CHRNA7: variants seen among roughly 807,000 people sequenced by gnomAD.
CHRNA7 encodes neuronal acetylcholine receptor subunit alpha-7.
CHRNA7 carries 17 observed loss-of-function variants against 48.0 expected under a neutral mutation model. The ratio of observed to expected loss-of-function variants is 0.35; its 90% CI spans 0.24 to 0.53. The LOEUF is 0.53. Ranked by LOEUF, CHRNA7 falls within the 20% of genes least tolerant of loss-of-function variation. The pLI is 0.92. For missense variants in CHRNA7, 155 were observed against 577.7 expected (o/e 0.27, Z 7.50); for synonymous variants, 75 against 242.3 (o/e 0.31, Z 6.41).
intron 2 of CHRNA7, among the ~76,000 whole-genome samples, chr15:32,080,281 A>G (rs1197974180): frequency 1.3e-5 from 2 of 152,218 alleles, no homozygotes; most frequent in East Asian, 3.8e-4. Flanking sequence ...AATTGCAACA[A>G]AAACAAAAAT....
chr15:32,166,566 T>C (rs1222494239), intron 9 of CHRNA7: 1 of 152,166 alleles, frequency 6.6e-6, no homozygotes, highest in Non-Finnish European at 1.5e-5. Flanking sequence ...GCTCTGCAGA[T>C]ACGAACTGCA....
intron 2 of CHRNA7, among the ~76,000 whole-genome samples, chr15:32,060,310 A>C (rs1010811523): frequency 1.6e-4 from 24 of 152,196 alleles, no homozygotes; most frequent in African/African-American, 5.3e-4. Context: ...TATATCATCT[A>C]TTTATATGTA....
chr15:32,051,317 T>C (rs2049671287), intron 2 of CHRNA7, among the ~76,000 whole-genome samples: 1 of 152,184 alleles, frequency 6.6e-6, no homozygotes, highest in Non-Finnish European at 1.5e-5. Context: ...TGGAGCTTCC[T>C]GGCTGCTTTG....
chr15:32,086,340 C>T (rs900734731), intron 2 of CHRNA7, among the ~76,000 whole-genome samples: 1 of 142,152 alleles, frequency 7.0e-6, no homozygotes, highest in Non-Finnish European at 1.5e-5. Context: ...CTGCACTCAG[C>T]CTGGGTGACA....
chr15:32,095,535 T>C (rs1294747847), intron 2 of CHRNA7, among the ~76,000 whole-genome samples: 1 of 152,172 alleles, frequency 6.6e-6, no homozygotes, highest in Non-Finnish European at 1.5e-5. Flanking sequence ...CGTTGCTTTT[T>C]ATTGTTGCAA....
At chr15:32,038,107 A>G (rs965370278) in intron 2 of CHRNA7, among the ~76,000 whole-genome samples, 55 of 145,766 alleles carry the variant, frequency 3.8e-4, no homozygotes, top group Admixed American at 3.7e-3. Flanking sequence ...GTGTATATGT[A>G]AAATATGTGT....
chr15:32,125,983 A>G (rs772110869), intron 4 of CHRNA7, among the ~76,000 whole-genome samples: 13 of 151,174 alleles, frequency 8.6e-5, no homozygotes, highest in Non-Finnish European at 1.8e-4. Flanking sequence ...AATGATGAAT[A>G]GTGCTCTCAC....
At chr15:32,050,889 G>T (rs1306091909) in intron 2 of CHRNA7, among the ~76,000 whole-genome samples, 2 of 152,308 alleles carry the variant, frequency 1.3e-5, no homozygotes, top group African/African-American at 2.4e-5. Context: ...CTGCAGGTCT[G>T]TTGGAGTTTG....
intron 2 of CHRNA7, among the ~76,000 whole-genome samples, chr15:32,035,882 G>A (rs1457332125): frequency 6.6e-6 from 1 of 152,126 alleles, no homozygotes; most frequent in African/African-American, 2.4e-5. Context: ...TTCCCCACTA[G>A]AGTAGTATAT....
chr15:32,101,044 G>A (rs2050562069), intron 2 of CHRNA7: 1 of 406,038 alleles, frequency 2.5e-6, no homozygotes, highest in Admixed American at 4.6e-5. Context: ...TGGATGGTAA[G>A]GTTGCAGAGT....
intron 3 of CHRNA7, among the ~76,000 whole-genome samples, chr15:32,109,909 A>G (rs898651856): frequency 2.6e-5 from 4 of 152,088 alleles, no homozygotes; most frequent in African/African-American, 9.7e-5. Context: ...TGTGCCTTGG[A>G]CGAGGTCTGG....
intron 9 of CHRNA7, chr15:32,166,544 C>T (rs1412385726): frequency 6.6e-6 from 1 of 152,226 alleles, no homozygotes; most frequent in African/African-American, 2.4e-5. Context: ...AAAAAGATGA[C>T]CAAGAATGAA....
chr15:32,129,023 T>A (rs571653824), intron 4 of CHRNA7, among the ~76,000 whole-genome samples: 1 of 152,054 alleles, frequency 6.6e-6, no homozygotes, highest in South Asian at 2.1e-4. Flanking sequence ...TCAGGTGATT[T>A]TTCTTCCTTG....
At chr15:32,069,609 T>A (rs1383915829) in intron 2 of CHRNA7, among the ~76,000 whole-genome samples, 1 of 152,234 alleles carries the variant, frequency 6.6e-6, no homozygotes, top group Non-Finnish European at 1.5e-5. Flanking sequence ...ATTATACCAC[T>A]GCACTCCAGC....
intron 2 of CHRNA7, among the ~76,000 whole-genome samples, chr15:32,061,738 G>A (rs572394121): frequency 2.0e-5 from 3 of 152,128 alleles, no homozygotes; most frequent in Admixed American, 6.5e-5. Flanking sequence ...AACCCGGGAG[G>A]CGGAGGTTGC....
chr15:32,035,547 A>T (rs1902044058), intron 2 of CHRNA7, among the ~76,000 whole-genome samples: 1 of 152,196 alleles, frequency 6.6e-6, no homozygotes, highest in South Asian at 2.1e-4. Context: ...GGCACTGAAG[A>T]TGGCAGGCAG....
intron 3 of CHRNA7, 44 bp downstream of exon 3, chr15:32,101,391 TTGCACCCAAGA>T: frequency 6.4e-7 from 1 of 1,552,868 alleles, no homozygotes; most frequent in South Asian, 1.3e-5. Flanking sequence ...CTGCAAGATC[TTGCACCCAAGA>T]TTCTTGTTCT....
intron 2 of CHRNA7, among the ~76,000 whole-genome samples, chr15:32,046,091 C>T (rs1474925742): frequency 6.6e-6 from 1 of 151,900 alleles, no homozygotes; most frequent in Non-Finnish European, 1.5e-5. Flanking sequence ...GGCTTGGTTC[C>T]AAGTCTTTGC....
intron 4 of CHRNA7, among the ~76,000 whole-genome samples, chr15:32,150,947 G>C (rs79056654): frequency 6.2e-5 from 8 of 128,164 alleles, no homozygotes; most frequent in Non-Finnish European, 1.1e-4. Context: ...TTGGAAGTAA[G>C]GGGGGGGGAT....
Sources: gnomAD v4.1 joint callset for allele counts (sites outside exome capture counted in the v4.1 genomes callset) on GRCh38, gnomAD v4.1.1 for gene constraint, MANE v1.5 for transcripts, NCBI Gene and HGNC (gene_info 2026-07-23, HGNC 2026-07-21) for gene names.